The following NAALADL2 variants were observed in gnomAD, a reference collection of about 807,000 sequenced individuals.
NAALADL2 encodes the protein inactive N-acetylated-alpha-linked acidic dipeptidase-like protein 2.
A neutral mutation model predicts 87.2 loss-of-function variants in NAALADL2; 76 were observed. That is an observed-to-expected ratio of 0.87 (90% CI 0.72 to 1.05). The LOEUF (loss-of-function observed/expected upper bound fraction) is 1.05, where lower values mean the gene tolerates loss of function less well. NAALADL2 is among the 50% of genes least tolerant of loss of function. NAALADL2 has a pLI of 0.00. For missense variants in NAALADL2, 1,089 were observed against 945.8 expected (o/e 1.15, Z -1.99); for synonymous variants, 354 against 331.0 (o/e 1.07, Z -0.75).
In NAALADL2 at chr3:175,807,590, C is replaced by T. The variant is rs760281502; in HGVS notation, c.*4387C>T. The T allele has an allele frequency of 7.9e-5, 12 of 151,876 alleles. No homozygotes were observed. Among genetic ancestry groups the T allele is most frequent in the Non-Finnish European group, 1.6e-4 (11 of 67,904 alleles). The allele number at this position is 151,876 out of a possible 1,614,324, so 9.4% of individuals were successfully genotyped here. A position where few individuals can be genotyped will look rare whatever the true frequency, so the allele number is the denominator to read the frequency against. The stretch of plus-strand genomic sequence containing the variant: ...CTTAATAGAAAGGAATTATTTTAAA[C>T]TACCAATCCATATGTTGAGTGGAAA... On this transcript the variant is annotated 3_prime_UTR_variant, in exon 14 of 14. Coordinates refer to ENST00000454872, the MANE Select transcript of NAALADL2 (RefSeq NM_207015.3).
At chr3:175,199,466 T>G (rs1739483120) in intron 2 of NAALADL2, among the ~76,000 whole-genome samples, 1 of 152,062 alleles carries the variant, frequency 6.6e-6, no homozygotes, top group Non-Finnish European at 1.5e-5. Context: ...ACATATAATA[T>G]GTAAATAATG....
At position 175,239,946 on chromosome 3, in the gene NAALADL2, G is replaced by A. The variant is rs549546415; in HGVS notation, c.819+5742G>A. Among the ~76,000 whole-genome samples the A allele has an allele frequency of 4.6e-5, 7 of 152,166 alleles. No individual in the cohort carries two copies. In the East Asian group the frequency reaches 5.8e-4, roughly 13 times the overall value. ...AGCTCTTATTGTCCTGTAAAAAGTC[G>A]ACACATTTAAATGGGAGAAATTAAG... is the stretch of plus-strand genomic sequence containing the variant. On this transcript the variant is annotated intron_variant, in intron 3 of 13. Transcript: ENST00000454872.
intron 1 of NAALADL2, among the ~76,000 whole-genome samples, chr3:175,041,363 CAGAATG>C: frequency 6.6e-6 from 1 of 152,100 alleles, no homozygotes; most frequent in Admixed American, 6.6e-5. Flanking sequence ...TATCTATTTG[CAGAATG>C]ACTTGAAGTT....
chr3:174,852,743 T>G (rs1725397168), intron 3 of NAALADL2, among the ~76,000 whole-genome samples: 1 of 152,064 alleles, frequency 6.6e-6, no homozygotes, highest in Admixed American at 6.6e-5. Flanking sequence ...TACAGAAGAC[T>G]CAGAATAGCC....
intron 1 of NAALADL2, among the ~76,000 whole-genome samples, chr3:174,449,314 G>A (rs1024781318): frequency 2.6e-5 from 4 of 152,120 alleles, no homozygotes; most frequent in African/African-American, 9.7e-5. Context: ...GTGAAACCTA[G>A]AATTGGAGGA....
intron 13 of NAALADL2, among the ~76,000 whole-genome samples, chr3:175,757,850 T>C (rs924803318): frequency 6.6e-6 from 1 of 152,084 alleles, no homozygotes; most frequent in African/African-American, 2.4e-5. Context: ...TCTAGCATTA[T>C]TAAAAAGTCA....
intron 11 of NAALADL2, among the ~76,000 whole-genome samples, chr3:175,678,800 C>G (rs1018228191): frequency 6.6e-6 from 1 of 152,110 alleles, no homozygotes; most frequent in African/African-American, 2.4e-5. Flanking sequence ...GTGCAGCACA[C>G]CAACATGGCA....
At chr3:174,797,850 A>G (rs1180453456) in intron 3 of NAALADL2, among the ~76,000 whole-genome samples, 1 of 152,166 alleles carries the variant, frequency 6.6e-6, no homozygotes, top group Non-Finnish European at 1.5e-5. Flanking sequence ...TATTATTTGA[A>G]GCACAAATGT....
At chr3:174,594,187 T>C (rs1333987375) in intron 2 of NAALADL2, among the ~76,000 whole-genome samples, 1 of 152,206 alleles carries the variant, frequency 6.6e-6, no homozygotes, top group Non-Finnish European at 1.5e-5. Context: ...ATTGCCAATA[T>C]ACTTTGGCAT....
At chr3:175,584,831 C>A (rs1380431731) in intron 10 of NAALADL2, among the ~76,000 whole-genome samples, 1 of 152,144 alleles carries the variant, frequency 6.6e-6, no homozygotes, top group Non-Finnish European at 1.5e-5. Context: ...ATGAATGGAG[C>A]TTTCAGGACT....
At chr3:175,271,790 G>A (rs918697439) in intron 4 of NAALADL2, among the ~76,000 whole-genome samples, 14 of 152,224 alleles carry the variant, frequency 9.2e-5, no homozygotes, top group African/African-American at 2.9e-4. Flanking sequence ...GTGAGACTTC[G>A]TCTCAAAGTA....
chr3:175,146,857 T>C lies in NAALADL2; in HGVS notation c.545+49566T>C, dbSNP rs561757448. ...AACTAAATTTAATTAAATTACAATT[T>C]ACTAACGTCATTCAGGTACATAATC... On this transcript the variant is annotated intron_variant, in intron 2 of 13. Coordinates refer to ENST00000454872, the MANE Select transcript of NAALADL2 (RefSeq NM_207015.3). Among the ~76,000 whole-genome samples the C allele has an allele frequency of 8.5e-4, 129 of 152,280 alleles. 4 individuals carry two copies. The South Asian group carries it at 0.026, about 30-fold the overall frequency.
At chr3:175,539,316 T>C (rs1386708936) in intron 9 of NAALADL2, among the ~76,000 whole-genome samples, 1 of 152,128 alleles carries the variant, frequency 6.6e-6, no homozygotes, top group East Asian at 1.9e-4. Context: ...CTTGACAAAA[T>C]CCTTTTTTAT....
chr3:175,368,385 A>G (rs1765951897), intron 5 of NAALADL2, among the ~76,000 whole-genome samples: 1 of 152,076 alleles, frequency 6.6e-6, no homozygotes, highest in African/African-American at 2.4e-5. Context: ...TGAGTTAGGG[A>G]GGTTTCCCTC....
Position 175,730,374 on chromosome 3 carries a change from A to C in NAALADL2, c.1897-6932A>C, listed in dbSNP as rs1743509602. ...GTTGTATTTAAAGGTGCAAAAGAGTATTTTCAGAAAACTTAATACAGATAT... is the reference window on the plus strand; with the variant it reads ...GTTGTATTTAAAGGTGCAAAAGAGTCTTTTCAGAAAACTTAATACAGATAT... On this transcript the variant is annotated intron_variant, in intron 11 of 13. Transcript: ENST00000454872. Among the ~76,000 whole-genome samples the C allele has an allele frequency of 2.3e-5, 3 of 132,750 alleles. No individual in the cohort carries two copies. The Admixed American group carries it at 2.4e-4, about 10-fold the overall frequency. The allele number at this position is 132,750 out of a possible 152,430, so 87.1% of individuals were successfully genotyped here.
intron 2 of NAALADL2, among the ~76,000 whole-genome samples, chr3:175,206,470 A>G (rs147916716): frequency 6.6e-6 from 1 of 151,870 alleles, no homozygotes; most frequent in Non-Finnish European, 1.5e-5. Flanking sequence ...GGAATAGAAA[A>G]TCAAACATCA....
At chr3:175,317,494 C>T (rs529111212) in intron 4 of NAALADL2, among the ~76,000 whole-genome samples, 3 of 151,966 alleles carry the variant, frequency 2.0e-5, no homozygotes, top group Non-Finnish European at 4.4e-5. Flanking sequence ...GGAGTTAGCT[C>T]TCAAGATAGA....
chr3:175,120,799 G>T (rs1284135563), intron 2 of NAALADL2, among the ~76,000 whole-genome samples: 1 of 151,734 alleles, frequency 6.6e-6, no homozygotes, highest in Non-Finnish European at 1.5e-5. Context: ...CTAATTGGTT[G>T]ATAAAACTGT....
At chr3:174,732,144 T>C (rs1323266487) in intron 2 of NAALADL2, among the ~76,000 whole-genome samples, 3 of 152,156 alleles carry the variant, frequency 2.0e-5, no homozygotes, top group Non-Finnish European at 4.4e-5. Flanking sequence ...ATCTTATATA[T>C]TAACTAGCAA....
Sources: allele counts gnomAD v4.1 joint callset (sites outside exome capture counted in the v4.1 genomes callset), GRCh38; gene constraint gnomAD v4.1.1; transcripts MANE v1.5; gene names NCBI Gene and HGNC (gene_info 2026-07-23, HGNC 2026-07-21).